Variants in B3GALT1 observed in about 807,000 individuals in gnomAD.
The protein encoded by B3GALT1 is UDP-Gal:betaGlcNAc beta 1,3-galactosyltransferase, polypeptide 1.
B3GALT1 carries 10 observed loss-of-function variants against 23.2 expected under a neutral mutation model. The ratio of observed to expected loss-of-function variants is 0.43; its 90% CI spans 0.27 to 0.73. B3GALT1 has a LOEUF of 0.73. Ranked by LOEUF, B3GALT1 falls within the 30% of genes least tolerant of loss-of-function variation. The pLI, the probability that B3GALT1 is intolerant of heterozygous loss-of-function variation, is 0.21. For synonymous variants in B3GALT1, 156 were observed against 141.5 expected, an observed-to-expected ratio of 1.10 and a Z score of -0.73; for missense variants, 299 against 405.4, an observed-to-expected ratio of 0.74 and a Z score of 2.25.
At chr2:167,436,342 C>G (rs909963179) in intron 1 of B3GALT1, among the ~76,000 whole-genome samples, 5 of 152,102 alleles carry the variant, frequency 3.3e-5, no homozygotes, top group Non-Finnish European at 7.4e-5. Context: ...GCCTGCACCA[C>G]TCCCCTCTCT....
At chr2:167,361,745 T>C (rs1314653287) in intron 1 of B3GALT1, among the ~76,000 whole-genome samples, 1 of 152,210 alleles carries the variant, frequency 6.6e-6, no homozygotes, top group Non-Finnish European at 1.5e-5. Context: ...TTTATCTCTT[T>C]TTTGTTTTTC....
intron 4 of B3GALT1, among the ~76,000 whole-genome samples, chr2:167,865,126 A>C (rs576044680): frequency 6.6e-6 from 1 of 152,242 alleles, no homozygotes; most frequent in East Asian, 1.9e-4. Context: ...ACAAACTCTC[A>C]GCTGGGCAAG....
intron 2 of B3GALT1, among the ~76,000 whole-genome samples, chr2:167,610,649 G>A (rs556666637): frequency 6.6e-6 from 1 of 152,090 alleles, no homozygotes; most frequent in South Asian, 2.1e-4. Context: ...GGTAGTGGTA[G>A]TTATTCCAAA....
chr2:167,561,553 C>T (rs367608973), intron 2 of B3GALT1, among the ~76,000 whole-genome samples: 24 of 151,690 alleles, frequency 1.6e-4, no homozygotes, highest in African/African-American at 1.9e-4. Context: ...ATTGATAGAC[C>T]GCTAGCAAGA....
At chr2:167,665,320 A>G (rs1686155507) in intron 3 of B3GALT1, among the ~76,000 whole-genome samples, 1 of 121,968 alleles carries the variant, frequency 8.2e-6, no homozygotes, top group Non-Finnish European at 1.7e-5. Flanking sequence ...AGCCCACTTG[A>G]TCATGGTGGA....
At position 167,293,065 on chromosome 2, in the gene B3GALT1, T is replaced by A. The variant is rs955851374; in HGVS notation, c.-780T>A. On this transcript the variant is annotated 5_prime_UTR_variant, in exon 1 of 5. Coordinates refer to ENST00000392690, the MANE Select transcript of B3GALT1 (RefSeq NM_020981.4). ...TCGGCTGCCGCCGCGGCTGCTCGGC[T>A]AGTGCAGCTGGGCGAGCTCGCGCGG... is the stretch of plus-strand genomic sequence containing the variant. The A allele has an allele frequency of 2.0e-5, 3 of 151,174 alleles. No individual in the cohort carries two copies. Among genetic ancestry groups the A allele is most frequent in the African/African-American group, 7.3e-5 (3 of 41,328 alleles). The allele number at this position is 151,174 out of a possible 1,614,324, so 9.4% of individuals were successfully genotyped here. A position where few individuals can be genotyped will look rare whatever the true frequency, so the allele number is the denominator to read the frequency against.
intron 2 of B3GALT1, among the ~76,000 whole-genome samples, chr2:167,529,176 A>G (rs2105366570): frequency 6.6e-6 from 1 of 152,182 alleles, no homozygotes; most frequent in African/African-American, 2.4e-5. Flanking sequence ...CTCCTGGAAC[A>G]CATACCTTCC....
intron 2 of B3GALT1, among the ~76,000 whole-genome samples, chr2:167,565,204 A>G (rs1205551900): frequency 3.9e-5 from 6 of 152,192 alleles, no homozygotes; most frequent in Admixed American, 6.5e-5. Context: ...ATAATGCTGC[A>G]TATCTACAAC....
At chr2:167,423,116 A>G (rs986630965) in intron 1 of B3GALT1, among the ~76,000 whole-genome samples, 4 of 152,186 alleles carry the variant, frequency 2.6e-5, no homozygotes, top group Non-Finnish European at 5.9e-5. Context: ...CATACCAGTC[A>G]AGTAAGACCT....
intron 1 of B3GALT1, among the ~76,000 whole-genome samples, chr2:167,376,521 T>C (rs1697765050): frequency 6.6e-6 from 1 of 152,132 alleles, no homozygotes; most frequent in Non-Finnish European, 1.5e-5. Flanking sequence ...ATTTCAAAAG[T>C]TGATATTGGC....
At chr2:167,353,685 A>C (rs1306337700) in intron 1 of B3GALT1, among the ~76,000 whole-genome samples, 1 of 152,176 alleles carries the variant, frequency 6.6e-6, no homozygotes, top group Non-Finnish European at 1.5e-5. Context: ...TAACAGTATA[A>C]AATTTATATT....
At chr2:167,598,534 A>G (rs1257558128) in intron 2 of B3GALT1, among the ~76,000 whole-genome samples, 1 of 152,168 alleles carries the variant, frequency 6.6e-6, no homozygotes, top group Non-Finnish European at 1.5e-5. Flanking sequence ...TTATCCCAGA[A>G]AAACCTCAAA....
intron 4 of B3GALT1, among the ~76,000 whole-genome samples, chr2:167,865,685 G>A (rs916664138): frequency 6.6e-6 from 1 of 152,002 alleles, no homozygotes; most frequent in African/African-American, 2.4e-5. Context: ...CCAGCTACTT[G>A]GGAGGCTGAG....
At chr2:167,522,774 T>G (rs1170660997) in intron 2 of B3GALT1, among the ~76,000 whole-genome samples, 1 of 152,222 alleles carries the variant, frequency 6.6e-6, no homozygotes, top group African/African-American at 2.4e-5. Context: ...ATGGTTTTCC[T>G]TAAATTGATA....
intron 2 of B3GALT1, among the ~76,000 whole-genome samples, chr2:167,596,960 G>T (rs1178374767): frequency 1.3e-5 from 2 of 152,134 alleles, no homozygotes; most frequent in African/African-American, 4.8e-5. Flanking sequence ...TTATGTTAAG[G>T]ATGAGAGAAG....
At chr2:167,866,999 T>G (rs1254529890) in intron 4 of B3GALT1, among the ~76,000 whole-genome samples, 1 of 152,010 alleles carries the variant, frequency 6.6e-6, no homozygotes, top group Non-Finnish European at 1.5e-5. Context: ...CAATCTCAGC[T>G]CACTGCAAGC....
intron 3 of B3GALT1, among the ~76,000 whole-genome samples, chr2:167,770,658 A>G (rs1558973628): frequency 6.6e-6 from 1 of 152,260 alleles, no homozygotes; most frequent in East Asian, 1.9e-4. Flanking sequence ...TTCATAGATC[A>G]TACTATTTCC....
At chr2:167,594,022 C>T (rs1684731174) in intron 2 of B3GALT1, among the ~76,000 whole-genome samples, 1 of 152,184 alleles carries the variant, frequency 6.6e-6, no homozygotes, top group East Asian at 1.9e-4. Flanking sequence ...TTGCTTTGGC[C>T]TTTTCTATAC....
At chr2:167,378,693 G>T (rs544752414) in intron 1 of B3GALT1, among the ~76,000 whole-genome samples, 27 of 152,038 alleles carry the variant, frequency 1.8e-4, no homozygotes, top group African/African-American at 2.4e-5. Context: ...TTCTTTTAAA[G>T]ATATCTATTT....
Sources: gnomAD v4.1 joint callset for allele counts (sites outside exome capture counted in the v4.1 genomes callset) on GRCh38, gnomAD v4.1.1 for gene constraint, MANE v1.5 for transcripts, NCBI Gene and HGNC (gene_info 2026-07-23, HGNC 2026-07-21) for gene names.